AMD1: variants seen among roughly 807,000 people sequenced by gnomAD.
The protein encoded by AMD1 is S-adenosylmethionine decarboxylase proenzyme.
Under a neutral mutation model 40.2 loss-of-function variants are expected in AMD1, and 11 were observed. The observed-to-expected ratio is 0.27, with a 90% confidence interval of 0.17 to 0.45. The LOEUF is 0.45. AMD1 is among the 20% of genes least tolerant of loss of function. AMD1 has a pLI of 1.00. For missense variants in AMD1, 257 were observed against 410.2 expected, an observed-to-expected ratio of 0.63 and a Z score of 3.23; for synonymous variants, 121 against 130.8, an observed-to-expected ratio of 0.93 and a Z score of 0.51.
At chr6:110,892,564 G>T in intron 6 of AMD1, 121 bp downstream of exon 6, 1 of 1,458,334 alleles carries the variant, frequency 6.9e-7, no homozygotes, top group Non-Finnish European at 9.4e-7. Context: ...AGGTAAACTT[G>T]TGTCATGGGG....
At chr6:110,859,282 C>T in the AMD1 span, 1 of 365,080 alleles carries the variant, frequency 2.7e-6, no homozygotes, top group Non-Finnish European at 5.2e-6. Flanking sequence ...GGTGTGGGAT[C>T]AGGGAGGTCT....
At chr6:110,834,139 C>A in the AMD1 span, among the ~76,000 whole-genome samples, 1 of 152,020 alleles carries the variant, frequency 6.6e-6, no homozygotes, top group South Asian at 2.1e-4. Context: ...CACTTTGTTG[C>A]CTAGGCTGGT....
the AMD1 span, among the ~76,000 whole-genome samples, chr6:110,860,996 C>T: frequency 0.011 from 1,728 of 151,558 alleles, 30 homozygotes; most frequent in African/African-American, 0.04. Context: ...GAGGTCAAGG[C>T]GGGTGGATCA....
the AMD1 span, among the ~76,000 whole-genome samples, chr6:110,830,206 G>C: frequency 3.9e-5 from 6 of 152,030 alleles, no homozygotes; most frequent in Non-Finnish European, 8.8e-5. Context: ...TATTAGAGAT[G>C]GGGTTTCACC....
intron 1 of AMD1, among the ~76,000 whole-genome samples, chr6:110,875,424 T>C (rs2115266581): frequency 6.6e-6 from 1 of 152,168 alleles, no homozygotes; most frequent in African/African-American, 2.4e-5. Flanking sequence ...CCGCCGTGGT[T>C]GCCGCGCCTG....
chr6:110,839,286 AAAAG>A, the AMD1 span, among the ~76,000 whole-genome samples: 13 of 152,328 alleles, frequency 8.5e-5, no homozygotes, highest in East Asian at 2.1e-3. Context: ...GTGAAAAGGG[AAAAG>A]AAAGTCAACT....
At chr6:110,889,874 CTA>C (rs1202028090) in intron 3 of AMD1, 1 of 163,332 alleles carries the variant, frequency 6.1e-6, no homozygotes, top group Non-Finnish European at 1.3e-5. Context: ...ATGCTTAAAA[CTA>C]ATATGTTATT....
chr6:110,861,411 C>T, the AMD1 span, among the ~76,000 whole-genome samples: 4 of 151,374 alleles, frequency 2.6e-5, no homozygotes, highest in African/African-American at 9.7e-5. Context: ...GTGGTCCCAG[C>T]TACTCAGGAG....
chr6:110,889,028 C>T (rs766363523), intron 3 of AMD1, 45 bp downstream of exon 3: 14 of 1,595,228 alleles, frequency 8.8e-6, no homozygotes, highest in African/African-American at 1.4e-5. Context: ...TAAATGTTAG[C>T]GTTCTTATCC....
chr6:110,852,759 G>T, the AMD1 span, among the ~76,000 whole-genome samples: 1 of 152,148 alleles, frequency 6.6e-6, no homozygotes, highest in African/African-American at 2.4e-5. Context: ...ATCAGCGTAA[G>T]AGTCAATTTT....
At chr6:110,828,857 C>T in the AMD1 span, among the ~76,000 whole-genome samples, 1 of 152,172 alleles carries the variant, frequency 6.6e-6, no homozygotes, top group South Asian at 2.1e-4. Flanking sequence ...GGTTGGGTGC[C>T]TTTCATCTGT....
chr6:110,842,431 C>T, the AMD1 span, among the ~76,000 whole-genome samples: 2 of 152,174 alleles, frequency 1.3e-5, no homozygotes, highest in African/African-American at 2.4e-5. Context: ...GGGATCCTTT[C>T]CTATAACACA....
upstream of AMD1, among the ~76,000 whole-genome samples, chr6:110,872,339 A>C (rs1583206098): frequency 6.6e-6 from 1 of 152,178 alleles, no homozygotes; most frequent in Non-Finnish European, 1.5e-5. Flanking sequence ...GTAAGATCTT[A>C]ATAGGAATGA....
intron 1 of AMD1, among the ~76,000 whole-genome samples, chr6:110,885,367 C>T (rs1785623952): frequency 6.6e-6 from 1 of 152,184 alleles, no homozygotes; most frequent in Non-Finnish European, 1.5e-5. Flanking sequence ...TGCGCCTCGG[C>T]TGCCCAAAGT....
intron 1 of AMD1, among the ~76,000 whole-genome samples, chr6:110,882,557 C>T (rs1317218806): frequency 1.3e-5 from 2 of 152,128 alleles, no homozygotes; most frequent in East Asian, 3.9e-4. Flanking sequence ...AGTTTTTCAC[C>T]TCTTTTATGT....
chr6:110,860,833 CCACA>C, the AMD1 span, among the ~76,000 whole-genome samples: 2,755 of 128,106 alleles, frequency 0.022, 40 homozygotes, highest in East Asian at 0.045. Flanking sequence ...AAACACCCAC[CCACA>C]CACACACACA....
At chr6:110,833,397 G>A in the AMD1 span, among the ~76,000 whole-genome samples, 12 of 152,114 alleles carry the variant, frequency 7.9e-5, no homozygotes, top group Admixed American at 3.9e-4. Context: ...ATGATTGTAT[G>A]TACCAGGGGG....
chr6:110,829,871 T>A, the AMD1 span, among the ~76,000 whole-genome samples: 3 of 151,910 alleles, frequency 2.0e-5, no homozygotes, highest in Admixed American at 1.3e-4. Flanking sequence ...ATAAATAAAT[T>A]AATTTTTCTG....
At chr6:110,875,304 C>A in intron 1 of AMD1, 89 bp downstream of exon 1, 1 of 1,106,942 alleles carries the variant, frequency 9.0e-7, no homozygotes, top group Non-Finnish European at 1.3e-6. Context: ...CGAGTTCCCT[C>A]AGCTTTCAGT....
Sources: allele counts gnomAD v4.1 joint callset (sites outside exome capture counted in the v4.1 genomes callset), GRCh38; gene constraint gnomAD v4.1.1; transcripts MANE v1.5; gene names NCBI Gene and HGNC (gene_info 2026-07-23, HGNC 2026-07-21).